MARK1: variants seen among roughly 807,000 people sequenced by gnomAD.
The protein encoded by MARK1 is microtubule affinity regulating kinase 1, also known as serine/threonine-protein kinase MARK1.
In MARK1, 40 loss-of-function variants were observed where a neutral mutation model predicts 96.3. The observed-to-expected ratio is 0.42, with a 90% CI of 0.32 to 0.54. The LOEUF (loss-of-function observed/expected upper bound fraction) is 0.54. Among genes scored for constraint, MARK1 ranks in the 20% least tolerant of loss-of-function variants. The pLI, the probability that MARK1 is intolerant of heterozygous loss-of-function variation, is 0.16. For missense variants in MARK1, 719 were observed against 984.6 expected (o/e 0.73, Z 3.61); for synonymous variants, 317 against 341.2 (o/e 0.93, Z 0.78).
intron 6 of MARK1, among the ~76,000 whole-genome samples, chr1:220,613,891 G>A (rs1004632833): frequency 1.3e-5 from 2 of 152,064 alleles, no homozygotes; most frequent in Admixed American, 1.3e-4. Flanking sequence ...CAACCTATTT[G>A]TCAAGATTTG....
intron 1 of MARK1, among the ~76,000 whole-genome samples, chr1:220,555,640 T>C (rs1399632654): frequency 6.6e-6 from 1 of 152,218 alleles, no homozygotes; most frequent in African/African-American, 2.4e-5. Context: ...AGATGAGCTA[T>C]TCTGTGAGAG....
rs1445379943 is a variant in MARK1 at position 220,663,749 on chromosome 1, TTAAG to T, written c.*1585_*1588del. The T allele has an allele frequency of 2.6e-5, 4 of 152,588 alleles. No homozygotes were observed. Among genetic ancestry groups the T allele is most frequent in the South Asian group, 2.1e-4 (1 of 4,820 alleles). The allele number at this position is 152,588 out of a possible 1,614,324, so 9.5% of individuals were successfully genotyped here. Reference sequence around the variant, plus strand: ...CTTCTGTAACAGTTATGTTTTAAAATTAAGTGAGTTTTTTTTTTGCCTTAGCAAA... The same window carrying T: ...CTTCTGTAACAGTTATGTTTTAAAATTGAGTTTTTTTTTTGCCTTAGCAAA... On this transcript the variant is annotated 3_prime_UTR_variant, in exon 18 of 18. Transcript: ENST00000366917.
intron 1 of MARK1, among the ~76,000 whole-genome samples, chr1:220,572,980 T>C (rs1161023512): frequency 6.6e-6 from 1 of 152,222 alleles, no homozygotes; most frequent in Non-Finnish European, 1.5e-5. Flanking sequence ...CTGACTTCCA[T>C]TGTTGATTAA....
At chr1:220,533,730 A>G (rs1213871804) in intron 1 of MARK1, among the ~76,000 whole-genome samples, 1 of 152,032 alleles carries the variant, frequency 6.6e-6, no homozygotes, top group African/African-American at 2.4e-5. Context: ...GTCTGTCTCT[A>G]TCTTGTGTGG....
chr1:220,627,785 C>T (rs1667435886), intron 9 of MARK1: 2 of 157,792 alleles, frequency 1.3e-5, no homozygotes, highest in Admixed American at 6.4e-5. Context: ...TGGAAAGGTA[C>T]CCTTATTGAA....
At position 220,528,642 on chromosome 1, in the gene MARK1, TTCC is replaced by T; in HGVS notation, c.-177_-175del. 5.9e-6 allele frequency: 3 copies of T among 510,846 alleles called. No homozygotes were observed. Among genetic ancestry groups the T allele is most frequent in the Non-Finnish European group, 1.0e-5 (3 of 291,516 alleles). The allele number at this position is 510,846 out of a possible 1,614,324, so 31.6% of individuals were successfully genotyped here. On this transcript the variant is annotated 5_prime_UTR_variant, in exon 1 of 18. Transcript: ENST00000366917. ...CCGCGGGAAGCGGCTCCCCCTCCTC[TTCC>T]TCCGCGTCCTCTTCCCTCTTTCCCC...
intron 13 of MARK1, among the ~76,000 whole-genome samples, chr1:220,638,475 A>G (rs78720390): frequency 6.6e-6 from 1 of 152,056 alleles, no homozygotes; most frequent in Non-Finnish European, 1.5e-5. Context: ...AGCTGTTTAT[A>G]TGCTGTCTTG....
In MARK1 at chr1:220,617,047, T is replaced by G. The variant is rs2889894; in HGVS notation, c.552+1052T>G. On this transcript the variant is annotated intron_variant, in intron 7 of 17. Transcript: ENST00000366917. ...ACTTTGATATCCATCCAGACATTTTTAGAGAGACTGAAAAAAGTCCAGCTT... is the reference window on the plus strand; with the variant it reads ...ACTTTGATATCCATCCAGACATTTTGAGAGAGACTGAAAAAAGTCCAGCTT... Among the ~76,000 whole-genome samples, 44 of 152,286 alleles carry G rather than the reference T, an allele frequency of 2.9e-4. 1 individual carries two copies. The South Asian group carries it at 8.9e-3, about 31-fold the overall frequency.
At chr1:220,557,974 C>CA (rs970560504) in intron 1 of MARK1, among the ~76,000 whole-genome samples, 3 of 151,524 alleles carry the variant, frequency 2.0e-5, no homozygotes, top group African/African-American at 7.3e-5. Context: ...ACAAAAATTA[C>CA]AAAAAAATAG....
intron 6 of MARK1, among the ~76,000 whole-genome samples, chr1:220,613,814 G>A (rs1013674047): frequency 8.5e-5 from 13 of 152,088 alleles, no homozygotes; most frequent in African/African-American, 3.1e-4. Context: ...ATCATTCCCA[G>A]TCACCCTGCC....
intron 1 of MARK1, among the ~76,000 whole-genome samples, chr1:220,530,994 A>G (rs1660277811): frequency 6.6e-6 from 1 of 152,212 alleles, no homozygotes; most frequent in Admixed American, 6.5e-5. Flanking sequence ...TTTAAGATAA[A>G]GTCTCTCCCT....
chr1:220,591,798 A>G (rs899877899), intron 3 of MARK1, among the ~76,000 whole-genome samples: 3 of 152,024 alleles, frequency 2.0e-5, no homozygotes, highest in East Asian at 3.8e-4. Context: ...TGCTTTATTT[A>G]CCTTGTACAG....
intron 6 of MARK1, among the ~76,000 whole-genome samples, chr1:220,612,058 A>G (rs1194980129): frequency 6.6e-6 from 1 of 152,216 alleles, no homozygotes; most frequent in African/African-American, 2.4e-5. Flanking sequence ...AGTATTATTC[A>G]TTTAATATCA....
Position 220,639,511 on chromosome 1 carries a change from T to C in MARK1, c.1470+3485T>C, listed in dbSNP as rs138457227. 1.2e-4 allele frequency among the ~76,000 whole-genome samples: 18 copies of C among 152,334 alleles called. No individual in the cohort carries two copies. The East Asian group carries it at 3.5e-3, about 29-fold the overall frequency. ...TCTTTTGGTGAAGTGTTCAGAGTTT[T>C]TCATTCTCCAGAGTGCACATCCTTA... On this transcript the variant is annotated intron_variant, in intron 13 of 17. Transcript: ENST00000366917.
At chr1:220,628,935 CAT>C (rs1667510797) in intron 9 of MARK1, among the ~76,000 whole-genome samples, 2 of 145,804 alleles carry the variant, frequency 1.4e-5, no homozygotes, top group African/African-American at 5.5e-5. Flanking sequence ...AAAAAAAAAT[CAT>C]GTGATGATGA....
At chr1:220,555,529 G>T (rs1662187971) in intron 1 of MARK1, among the ~76,000 whole-genome samples, 1 of 152,184 alleles carries the variant, frequency 6.6e-6, no homozygotes, top group Admixed American at 6.6e-5. Flanking sequence ...TGGAGCTAAG[G>T]TTGATTGCCT....
At chr1:220,551,657 C>T (rs2102743990) in intron 1 of MARK1, among the ~76,000 whole-genome samples, 1 of 152,008 alleles carries the variant, frequency 6.6e-6, no homozygotes, top group East Asian at 1.9e-4. Context: ...CTAATGTTAA[C>T]ACTTTGATGT....
chr1:220,549,850 T>TG (rs879581925), intron 1 of MARK1, among the ~76,000 whole-genome samples: 12 of 152,250 alleles, frequency 7.9e-5, no homozygotes, highest in Non-Finnish European at 1.8e-4. Context: ...CACACCTGGT[T>TG]GGATGGTTGT....
intron 17 of MARK1, among the ~76,000 whole-genome samples, chr1:220,661,090 T>A (rs998186821): frequency 2.0e-5 from 3 of 152,202 alleles, no homozygotes; most frequent in African/African-American, 7.2e-5. Context: ...GGGAACAGTC[T>A]GTGCAACAGC....
Sources: allele counts gnomAD v4.1 joint callset (sites outside exome capture counted in the v4.1 genomes callset), GRCh38; gene constraint gnomAD v4.1.1; transcripts MANE v1.5; gene names NCBI Gene and HGNC (gene_info 2026-07-23, HGNC 2026-07-21).